Variants in EXOC2 observed in about 807,000 individuals in gnomAD.
The protein encoded by EXOC2 is exocyst complex component 2.
In EXOC2, 70 loss-of-function variants were observed where a neutral mutation model predicts 131.8. The observed-to-expected ratio is 0.53, with a 90% CI of 0.44 to 0.65. EXOC2 has a LOEUF of 0.65. Ranked by LOEUF, EXOC2 falls within the 30% of genes least tolerant of loss-of-function variation. The pLI is 0.00. For missense variants in EXOC2, 923 were observed against 1,108.6 expected (o/e 0.83, Z 2.38); for synonymous variants, 411 against 398.4 (o/e 1.03, Z -0.38).
intron 1 of EXOC2, among the ~76,000 whole-genome samples, chr6:639,126 G>C (rs1451576695): frequency 1.3e-5 from 2 of 152,080 alleles, no homozygotes; most frequent in Non-Finnish European, 2.9e-5. Flanking sequence ...GAGAAGTTTA[G>C]TCTTTTAAGA....
At chr6:631,640 C>G (rs577912191) in intron 3 of EXOC2, among the ~76,000 whole-genome samples, 178 of 152,014 alleles carry the variant, frequency 1.2e-3, no homozygotes, top group Non-Finnish European at 2.1e-3. Flanking sequence ...CCACTTTTGC[C>G]TAAGTTTTCT....
At chr6:663,770 C>A (rs1249657236) in intron 1 of EXOC2, among the ~76,000 whole-genome samples, 1 of 152,158 alleles carries the variant, frequency 6.6e-6, no homozygotes, top group East Asian at 1.9e-4. Flanking sequence ...GCAAAACTGA[C>A]ATACAAGAGA....
chr6:564,399 T>C, intron 15 of EXOC2, 146 bp downstream of exon 15: 1 of 1,217,344 alleles, frequency 8.2e-7, no homozygotes. Flanking sequence ...GGAGCTTAGC[T>C]GTCAGATGAT....
rs1167613235 is a variant in EXOC2, at chr6:564,569, A to G, written c.1643T>C (p.Leu548Pro). 6.2e-7 allele frequency: 1 copy of G among 1,614,092 alleles called. No homozygotes were observed. The highest frequency in any genetic ancestry group is 1.1e-5 in the South Asian group (1 of 91,080). Residue 548 changes from leucine to proline, a missense_variant, in exon 15 of 28, where the codon CTC becomes CCC. Transcript: ENST00000230449. The stretch of plus-strand genomic sequence containing the variant: ...CCTTACAGTCTGGATGGCGTGAGCG[A>G]GCCACTGTCCGGAGAGCTCGCACTT... ...EVKCELSGQWLAHAIQTVRLT... is the reference protein window; with the variant it reads ...EVKCELSGQWPAHAIQTVRLT...
At chr6:611,343 A>G (rs1760704490) in intron 6 of EXOC2, among the ~76,000 whole-genome samples, 1 of 152,222 alleles carries the variant, frequency 6.6e-6, no homozygotes, top group South Asian at 2.1e-4. Context: ...CCGAGTGGGC[A>G]CCCACTGCAG....
intron 22 of EXOC2, among the ~76,000 whole-genome samples, chr6:546,570 C>A (rs1185524108): frequency 3.9e-5 from 6 of 152,196 alleles, no homozygotes; most frequent in Admixed American, 3.9e-4. Flanking sequence ...GCCTCCGCCA[C>A]CCCTGACACA....
At chr6:522,580 G>C (rs1277446763) in intron 23 of EXOC2, among the ~76,000 whole-genome samples, 1 of 150,246 alleles carries the variant, frequency 6.7e-6, no homozygotes, top group East Asian at 2.0e-4. Context: ...CGACATGACA[G>C]TGTGTGGGAA....
chr6:643,613 A>ATTT (rs1379525567), intron 1 of EXOC2, among the ~76,000 whole-genome samples: 4 of 150,572 alleles, frequency 2.7e-5, no homozygotes, highest in Middle Eastern at 3.4e-3. Context: ...ACCTTTTAAA[A>ATTT]AAAAAACTAG....
At chr6:657,902 G>A (rs1442000784) in intron 1 of EXOC2, among the ~76,000 whole-genome samples, 1 of 152,074 alleles carries the variant, frequency 6.6e-6, no homozygotes, top group African/African-American at 2.4e-5. Flanking sequence ...TACATGTACT[G>A]TAAATATCTT....
In EXOC2 at chr6:529,362, C is replaced by T. The variant is rs577883792; in HGVS notation, c.2380+3107G>A. Among the ~76,000 whole-genome samples the T allele has an allele frequency of 3.9e-5, 6 of 152,106 alleles. No homozygotes were observed. In the East Asian group the frequency reaches 5.8e-4, roughly 15 times the overall value. Reference sequence around the variant, plus strand: ...TGTTCGGCATACACTAAAGATGCCTCGCTGTTTGTTAACGGAGGCAGCAGG... The same window carrying T: ...TGTTCGGCATACACTAAAGATGCCTTGCTGTTTGTTAACGGAGGCAGCAGG... On this transcript the variant is annotated intron_variant, in intron 23 of 27. Coordinates refer to ENST00000230449, the MANE Select transcript of EXOC2 (RefSeq NM_018303.6).
intron 1 of EXOC2, chr6:670,087 C>T (rs1763795922): frequency 6.6e-6 from 1 of 152,304 alleles, no homozygotes; most frequent in African/African-American, 2.4e-5. Context: ...GACTCCCAGG[C>T]TGCCAACATC....
intron 1 of EXOC2, among the ~76,000 whole-genome samples, chr6:657,438 C>T (rs1438348378): frequency 1.3e-5 from 2 of 148,808 alleles, no homozygotes; most frequent in African/African-American, 2.5e-5. Flanking sequence ...GTAACAGGCA[C>T]CTTTCCATGC....
intron 4 of EXOC2, among the ~76,000 whole-genome samples, chr6:621,140 T>C (rs1761269874): frequency 6.6e-6 from 1 of 152,204 alleles, no homozygotes; most frequent in Non-Finnish European, 1.5e-5. Context: ...CCACTCTCTC[T>C]AGCAAGGTGC....
intron 23 of EXOC2, among the ~76,000 whole-genome samples, chr6:515,858 G>A (rs771913852): frequency 5.3e-5 from 8 of 152,122 alleles, no homozygotes; most frequent in East Asian, 3.9e-4. Flanking sequence ...AGTGGCTTCC[G>A]GGGGTTTCTT....
intron 1 of EXOC2, among the ~76,000 whole-genome samples, chr6:652,055 C>CAAAAAAAAAAAAAAAAAA (rs779403495): frequency 3.8e-5 from 3 of 78,002 alleles, no homozygotes; most frequent in African/African-American, 1.4e-4. Flanking sequence ...GATTCCATCT[C>CAAAAAAAAAAAAAAAAAA]AAAAAAAAAA....
intron 2 of EXOC2, among the ~76,000 whole-genome samples, chr6:635,810 G>A (rs1415725078): frequency 6.6e-6 from 1 of 152,254 alleles, no homozygotes; most frequent in African/African-American, 2.4e-5. Context: ...CGCCTGTAAT[G>A]CCAGCACTTT....
intron 3 of EXOC2, among the ~76,000 whole-genome samples, chr6:630,685 T>C (rs982862319): frequency 1.2e-4 from 19 of 152,208 alleles, no homozygotes; most frequent in Admixed American, 4.6e-4. Context: ...TGAATAGTTA[T>C]GCAAAAATAA....
At chr6:651,918 C>A (rs537861383) in intron 1 of EXOC2, among the ~76,000 whole-genome samples, 89 of 151,070 alleles carry the variant, frequency 5.9e-4, no homozygotes, top group Admixed American at 1.2e-3. Flanking sequence ...TAGCCGGGTG[C>A]GGTGGTGCGC....
At chr6:546,538 A>G (rs1756865513) in intron 22 of EXOC2, among the ~76,000 whole-genome samples, 1 of 152,172 alleles carries the variant, frequency 6.6e-6, no homozygotes, top group South Asian at 2.1e-4. Context: ...ATGTGGGTCC[A>G]CTTATACACG....
Sources: allele counts gnomAD v4.1 joint callset (sites outside exome capture counted in the v4.1 genomes callset), GRCh38; gene constraint gnomAD v4.1.1; transcripts MANE v1.5; gene names NCBI Gene and HGNC (gene_info 2026-07-23, HGNC 2026-07-21).